The following SERPINF1 variants were observed in gnomAD, a reference collection of about 807,000 sequenced individuals.
The protein encoded by SERPINF1 is serpin family F member 1.
A neutral mutation model predicts 37.3 loss-of-function variants in SERPINF1; 29 were observed. The ratio of observed to expected loss-of-function variants is 0.78; its 90% CI spans 0.58 to 1.06. SERPINF1 has a LOEUF of 1.06. Ranked by LOEUF, SERPINF1 falls within the 50% of genes least tolerant of loss-of-function variation. The pLI is 0.00. For synonymous variants in SERPINF1, 281 were observed against 227.9 expected (o/e 1.23, Z -2.10); for missense variants, 553 against 532.2 (o/e 1.04, Z -0.38).
intron 2 of SERPINF1, among the ~76,000 whole-genome samples, chr17:1,768,315 C>G (rs1338989227): frequency 6.6e-6 from 1 of 151,252 alleles, no homozygotes; most frequent in African/African-American, 2.4e-5. Flanking sequence ...CCTGTAGTCC[C>G]AGCTACTCGG....
At chr17:1,775,433 A>C (rs779297051) in intron 6 of SERPINF1, among the ~76,000 whole-genome samples, 1 of 152,182 alleles carries the variant, frequency 6.6e-6, no homozygotes, top group Non-Finnish European at 1.5e-5. Context: ...GAATAAGGTA[A>C]TAGGAAATGG....
In SERPINF1 at chr17:1,777,295, C is replaced by T. The variant is rs368630571; in HGVS notation, c.1106C>T (p.Ala369Val). The T allele has an allele frequency of 1.0e-4, 167 of 1,613,976 alleles. No homozygotes were observed. The highest frequency in any genetic ancestry group is 1.8e-4 in the South Asian group (16 of 91,082). The change falls in exon 8 of 8, where the codon GCG (alanine) becomes GTG (valine). Residue 369 changes from alanine (A) to valine (V), a missense_variant. By Grantham distance (64) the Ala-to-Val change is moderately conservative. Coordinates refer to ENST00000254722, the MANE Select transcript of SERPINF1 (RefSeq NM_002615.7). ...RAGFEWNEDG[A>V]GTTPSPGLQP... ...GGCTTTGAGTGGAACGAGGATGGGG[C>T]GGGAACCACCCCCAGCCCAGGGCTG...
intron 4 of SERPINF1, 111 bp downstream of exon 4, chr17:1,771,295 C>T: frequency 8.4e-7 from 1 of 1,189,958 alleles, no homozygotes; most frequent in Non-Finnish European, 1.2e-6. Flanking sequence ...GTTGCCCAGG[C>T]TGGAGTGCAG....
At chr17:1,767,932 G>A (rs565792677) in intron 2 of SERPINF1, among the ~76,000 whole-genome samples, 7 of 152,292 alleles carry the variant, frequency 4.6e-5, no homozygotes, top group South Asian at 2.1e-4. Flanking sequence ...TGCCGGGTGC[G>A]GTGGCTCACA....
At position 1,773,470 on chromosome 17, in the gene SERPINF1, ACTC is replaced by A. The variant is rs1168184551; in HGVS notation, c.643+1398_643+1400del. Among the ~76,000 whole-genome samples the A allele has an allele frequency of 6.7e-5, 10 of 150,248 alleles. No homozygotes were observed. In the South Asian group the frequency reaches 2.1e-3, roughly 32 times the overall value. On this transcript the variant is annotated intron_variant, in intron 5 of 7. Transcript: ENST00000254722. ...CATGCTGGCCAGGCTGTTCTCGAAAACTCCTGACCTCAGATGATCCACCCGCCT... is the reference window on the plus strand; with the variant it reads ...CATGCTGGCCAGGCTGTTCTCGAAAACTGACCTCAGATGATCCACCCGCCT...
At chr17:1,772,136 C>A in intron 5 of SERPINF1, 61 bp downstream of exon 5, 1 of 1,519,174 alleles carries the variant, frequency 6.6e-7, no homozygotes, top group Non-Finnish European at 8.9e-7. Context: ...TTAATTAATT[C>A]GATGGAGTCT....
chr17:1,770,166 A>G (rs1292048651), intron 3 of SERPINF1, 116 bp downstream of exon 3: 2 of 1,166,160 alleles, frequency 1.7e-6, no homozygotes, highest in Non-Finnish European at 2.5e-6. Context: ...AAGTAGCACC[A>G]GGGGCCTGGC....
chr17:1,762,822 T>G (rs1907161368), intron 1 of SERPINF1: 1 of 152,322 alleles, frequency 6.6e-6, no homozygotes. Flanking sequence ...CAGCTGCCAG[T>G]GCTGGAGACA....
intron 1 of SERPINF1, among the ~76,000 whole-genome samples, chr17:1,766,121 G>A (rs1334160069): frequency 6.6e-6 from 1 of 152,174 alleles, no homozygotes; most frequent in Non-Finnish European, 1.5e-5. Context: ...ATTCTCCTGG[G>A]AGGGGTTGCC....
intron 2 of SERPINF1, among the ~76,000 whole-genome samples, chr17:1,768,126 C>T (rs1907494089): frequency 6.6e-6 from 1 of 150,558 alleles, no homozygotes. Flanking sequence ...CACTTGAGCC[C>T]AGGAGATTAA....
rs930688323 is a variant in SERPINF1, at chr17:1,776,746, T to C, written c.997+4T>C. ...ACCAAGTCCCTGCAGGAGATGAGTA[T>C]GTCTGAAGACCCTTTCGCTCTTGGT... On this transcript the variant is annotated splice_donor_region_variant and intron_variant, in intron 7 of 7. Coordinates refer to ENST00000254722, the MANE Select transcript of SERPINF1 (RefSeq NM_002615.7). 2.5e-6 allele frequency: 4 copies of C among 1,612,646 alleles called. No homozygotes were observed. Among genetic ancestry groups the C allele is most frequent in the Admixed American group, 3.3e-5 (2 of 59,838 alleles).
chr17:1,777,254 G>A lies in SERPINF1; in HGVS notation c.1065G>A (p.Gln355=), dbSNP rs200343956. Residue 355 remains glutamine (Q), a synonymous_variant, in exon 8 of 8, where the codon CAG becomes CAA. Transcript: ENST00000254722. ...CAGGCAAACCCATCAAGCTGACTCAGGTGGAACACCGGGCTGGCTTTGAGT... is the reference window on the plus strand; with the variant it reads ...CAGGCAAACCCATCAAGCTGACTCAAGTGGAACACCGGGCTGGCTTTGAGT... ...KITGKPIKLT[Q]VEHRAGFEWN... The A allele has an allele frequency of 2.0e-5, 32 of 1,614,020 alleles. No homozygotes were observed. The highest frequency in any genetic ancestry group is 5.0e-5 in the Admixed American group (3 of 59,976).
In SERPINF1 at chr17:1,775,047, C is replaced by T. The variant is rs1907941204; in HGVS notation, c.644-11C>T. 1 of 1,614,148 alleles carries T rather than the reference C, an allele frequency of 6.2e-7. No individual in the cohort carries two copies. Among genetic ancestry groups the T allele is most frequent in the Non-Finnish European group, 8.5e-7 (1 of 1,180,018 alleles). ...CCTGGGGCTCAGACTATGTCATACA[C>T]TTCTTTCCAGGGCAGTGGGTAACAA... On this transcript the variant is annotated splice_polypyrimidine_tract_variant and intron_variant, in intron 5 of 7. Coordinates refer to ENST00000254722, the MANE Select transcript of SERPINF1 (RefSeq NM_002615.7).
intron 2 of SERPINF1, among the ~76,000 whole-genome samples, chr17:1,768,304 G>A (rs369579240): frequency 2.1e-4 from 32 of 151,618 alleles, no homozygotes; most frequent in South Asian, 8.3e-4. Flanking sequence ...GGTGGGGGGC[G>A]CCTGTAGTCC....
chr17:1,764,525 C>T lies in SERPINF1; in HGVS notation c.-8-2378C>T, dbSNP rs577320921. The stretch of plus-strand genomic sequence containing the variant: ...AGCAGCTGGCTGGGAACGCAGAGGT[C>T]TGCGGCTCGAGGCGGGGTTTAGAAA... On this transcript the variant is annotated intron_variant, in intron 1 of 7. Coordinates refer to ENST00000254722, the MANE Select transcript of SERPINF1 (RefSeq NM_002615.7). 6.6e-5 allele frequency among the ~76,000 whole-genome samples: 10 copies of T among 152,392 alleles called. No homozygotes were observed. In the South Asian group the frequency reaches 1.2e-3, roughly 19 times the overall value.
rs1024254068 is a variant in SERPINF1 at position 1,777,563 on chromosome 17, T to C, written c.*117T>C. On this transcript the variant is annotated 3_prime_UTR_variant, in exon 8 of 8. Transcript: ENST00000254722. ...GCATACAATAAAAGAGCTTTATCCC[T>C]AACTTCTGTTACTTCGTTCCTCCTC... 4 of 1,264,790 alleles carry C rather than the reference T, an allele frequency of 3.2e-6. No individual in the cohort carries two copies. The highest frequency in any genetic ancestry group is 3.4e-6 in the Non-Finnish European group (3 of 880,676). The allele number at this position is 1,264,790 out of a possible 1,614,324, so 78.3% of individuals were successfully genotyped here. A position where few individuals can be genotyped will look rare whatever the true frequency, so the allele number is the denominator to read the frequency against.
intron 2 of SERPINF1, among the ~76,000 whole-genome samples, chr17:1,767,500 C>T (rs1045806326): frequency 9.2e-5 from 14 of 152,206 alleles, no homozygotes; most frequent in African/African-American, 3.1e-4. Flanking sequence ...AGGTCATGTT[C>T]CCGGACATTT....
At chr17:1,776,314 G>A (rs1283795376) in intron 6 of SERPINF1, 3 of 604,224 alleles carry the variant, frequency 5.0e-6, no homozygotes, top group South Asian at 1.9e-5. Context: ...TTAGGCCAAG[G>A]TAAGAAAGGC....
rs767552827 is a variant in SERPINF1 at position 1,772,028 on chromosome 17, T to A, written c.596T>A (p.Ile199Asn). The A allele has an allele frequency of 1.8e-5, 29 of 1,613,640 alleles. No individual in the cohort carries two copies. The highest frequency in any genetic ancestry group is 4.0e-5 in the African/African-American group (3 of 74,808). Residue 199 changes from isoleucine to asparagine, a missense_variant, in exon 5 of 8, where the codon ATT becomes AAT. By Grantham distance (149) the Ile-to-Asn change is moderately radical. Coordinates refer to ENST00000254722, the MANE Select transcript of SERPINF1 (RefSeq NM_002615.7). ...KGKLARSTKE[I>N]PDEISILLLG... ...AAGCTCGCCAGGTCCACAAAGGAAA[T>A]TCCCGATGAGATCAGCATTCTCCTT...
Sources: allele counts gnomAD v4.1 joint callset (sites outside exome capture counted in the v4.1 genomes callset), GRCh38; gene constraint gnomAD v4.1.1; transcripts MANE v1.5; gene names NCBI Gene and HGNC (gene_info 2026-07-23, HGNC 2026-07-21).